MAGI2: variants seen among roughly 807,000 people sequenced by gnomAD.
MAGI2 encodes membrane-associated guanylate kinase, WW and PDZ domain-containing protein 2.
A neutral mutation model predicts 133.3 loss-of-function variants in MAGI2; 35 were observed. The ratio of observed to expected loss-of-function variants is 0.26; its 90% CI spans 0.20 to 0.35. The LOEUF (loss-of-function observed/expected upper bound fraction) is 0.35. Ranked by LOEUF, MAGI2 falls within the 10% of genes least tolerant of loss-of-function variation. The pLI is 1.00. For synonymous variants in MAGI2, 729 were observed against 710.6 expected, an observed-to-expected ratio of 1.03 and a Z score of -0.41; for missense variants, 1,636 against 1,863.4, an observed-to-expected ratio of 0.88 and a Z score of 2.25.
chr7:78,027,149 C>G (rs1374253586), intron 21 of MAGI2, among the ~76,000 whole-genome samples: 9 of 152,162 alleles, frequency 5.9e-5, no homozygotes, highest in African/African-American at 1.9e-4. Flanking sequence ...TTACTGTCTG[C>G]TAGTCTGATT....
chr7:79,123,194 T>C (rs1820068012), intron 1 of MAGI2, among the ~76,000 whole-genome samples: 1 of 152,182 alleles, frequency 6.6e-6, no homozygotes, highest in African/African-American at 2.4e-5. Context: ...AATAACAACG[T>C]TCAATGTATG....
At chr7:79,205,509 G>C (rs1309366778) in intron 1 of MAGI2, among the ~76,000 whole-genome samples, 2 of 151,926 alleles carry the variant, frequency 1.3e-5, no homozygotes, top group East Asian at 3.9e-4. Context: ...TGAGTTGAAA[G>C]AAACAGACAC....
intron 4 of MAGI2, among the ~76,000 whole-genome samples, chr7:78,507,708 C>T (rs943741639): frequency 6.6e-6 from 1 of 152,048 alleles, no homozygotes; most frequent in African/African-American, 2.4e-5. Context: ...AACAAGGGTA[C>T]CTAAAGCAGT....
intron 2 of MAGI2, among the ~76,000 whole-genome samples, chr7:78,900,193 T>C (rs957366969): frequency 2.6e-5 from 4 of 152,188 alleles, no homozygotes; most frequent in Admixed American, 2.6e-4. Flanking sequence ...GATGGACCCT[T>C]ACTCACTAGT....
Position 78,562,125 on chromosome 7 carries a change from T to C in MAGI2, c.539-40480A>G, listed in dbSNP as rs145629407. Among the ~76,000 whole-genome samples the C allele has an allele frequency of 2.9e-3, 447 of 152,322 alleles. 2 individuals are homozygous for C. The highest frequency in any genetic ancestry group is 4.1e-3 in the Admixed American group (63 of 15,302). On this transcript the variant is annotated intron_variant, in intron 3 of 21. Coordinates refer to ENST00000354212, the MANE Select transcript of MAGI2 (RefSeq NM_012301.4). ...AGTTGGGATGTGGCAGTGATGTACA[T>C]AAAGATGTTCCATGTTACTGAGAAT... is the stretch of plus-strand genomic sequence containing the variant.
chr7:79,055,048 C>T (rs1813020930), intron 1 of MAGI2, among the ~76,000 whole-genome samples: 1 of 152,232 alleles, frequency 6.6e-6, no homozygotes, highest in South Asian at 2.1e-4. Flanking sequence ...CCCACCTTGG[C>T]CTCCCAAAGT....
chr7:79,245,985 G>A (rs1832797619), intron 1 of MAGI2, among the ~76,000 whole-genome samples: 1 of 152,164 alleles, frequency 6.6e-6, no homozygotes, highest in South Asian at 2.1e-4. Flanking sequence ...CGTCTGCATG[G>A]TAATCCAGAG....
At chr7:78,948,608 T>C (rs1801622739) in intron 2 of MAGI2, among the ~76,000 whole-genome samples, 1 of 152,128 alleles carries the variant, frequency 6.6e-6, no homozygotes, top group South Asian at 2.1e-4. Flanking sequence ...ACTCATTTTA[T>C]AGAACGACAT....
At chr7:79,108,584 T>G (rs999164695) in intron 1 of MAGI2, among the ~76,000 whole-genome samples, 1 of 152,222 alleles carries the variant, frequency 6.6e-6, no homozygotes, top group East Asian at 1.9e-4. Context: ...ACCCATCAAG[T>G]TTTGCCCAAA....
chr7:79,242,396 A>C (rs1452003590), intron 1 of MAGI2, among the ~76,000 whole-genome samples: 2 of 152,188 alleles, frequency 1.3e-5, no homozygotes, highest in African/African-American at 4.8e-5. Flanking sequence ...GGTGATCAAC[A>C]TATTCTTCTC....
intron 1 of MAGI2, among the ~76,000 whole-genome samples, chr7:79,352,261 C>T (rs868591999): frequency 2.6e-5 from 4 of 152,086 alleles, no homozygotes; most frequent in African/African-American, 4.8e-5. Context: ...ATGGATGACT[C>T]GGAGAATGCA....
chr7:79,064,877 A>G (rs928510540), intron 1 of MAGI2, among the ~76,000 whole-genome samples: 18 of 152,062 alleles, frequency 1.2e-4, no homozygotes, highest in African/African-American at 4.3e-4. Context: ...GAAATAATGT[A>G]CTTGTTCACT....
At chr7:78,033,132 G>C (rs375098627) in intron 21 of MAGI2, among the ~76,000 whole-genome samples, 10 of 152,116 alleles carry the variant, frequency 6.6e-5, no homozygotes, top group Non-Finnish European at 1.0e-4. Flanking sequence ...GTGGGTGATC[G>C]TGATGGAGGT....
intron 1 of MAGI2, among the ~76,000 whole-genome samples, chr7:79,297,571 C>A (rs900745680): frequency 9.2e-5 from 14 of 152,120 alleles, no homozygotes; most frequent in African/African-American, 3.4e-4. Context: ...CAGTACTCTT[C>A]TAGTTGATGG....
chr7:78,948,011 C>A lies in MAGI2; in HGVS notation c.418+59079G>T, dbSNP rs192458213. The stretch of plus-strand genomic sequence containing the variant: ...GCATTTGATGGAAATATGGAATAAC[C>A]AGAAGTTAAGTTAAAATGGGACGTT... On this transcript the variant is annotated intron_variant, in intron 2 of 21. Coordinates refer to ENST00000354212, the MANE Select transcript of MAGI2 (RefSeq NM_012301.4). Among the ~76,000 whole-genome samples, 11 of 151,998 alleles carry A rather than the reference C, an allele frequency of 7.2e-5. No individual in the cohort carries two copies. The East Asian group carries it at 1.4e-3, about 19-fold the overall frequency.
intron 1 of MAGI2, among the ~76,000 whole-genome samples, chr7:79,220,496 C>G (rs1270479817): frequency 1.3e-5 from 2 of 152,056 alleles, no homozygotes; most frequent in Non-Finnish European, 2.9e-5. Flanking sequence ...CCTCCTCACT[C>G]TCACACACAC....
chr7:78,854,925 C>T (rs993923800), intron 2 of MAGI2, among the ~76,000 whole-genome samples: 1 of 151,892 alleles, frequency 6.6e-6, no homozygotes, highest in African/African-American at 2.4e-5. Context: ...AGTGCCATCT[C>T]GGCTCACTCC....
chr7:78,730,428 A>G (rs1214417216), intron 2 of MAGI2, among the ~76,000 whole-genome samples: 1 of 147,078 alleles, frequency 6.8e-6, no homozygotes, highest in African/African-American at 2.5e-5. Context: ...AAAAAAAAAA[A>G]AGAGGCATAA....
At chr7:78,340,516 C>G (rs1006790201) in intron 9 of MAGI2, among the ~76,000 whole-genome samples, 3 of 152,080 alleles carry the variant, frequency 2.0e-5, no homozygotes, top group African/African-American at 7.2e-5. Context: ...AAGAAAATTT[C>G]AGGCCAATAT....
Sources: gnomAD v4.1 joint callset for allele counts (sites outside exome capture counted in the v4.1 genomes callset) on GRCh38, gnomAD v4.1.1 for gene constraint, MANE v1.5 for transcripts, NCBI Gene and HGNC (gene_info 2026-07-23, HGNC 2026-07-21) for gene names.